The following ANK2 variants were observed in gnomAD, a reference collection of about 807,000 sequenced individuals.
ANK2 encodes ankyrin-2.
A neutral mutation model predicts 360.5 loss-of-function variants in ANK2; 83 were observed. The observed-to-expected ratio is 0.23, with a 90% confidence interval of 0.19 to 0.28. The LOEUF (loss-of-function observed/expected upper bound fraction) is 0.28. Ranked by LOEUF, ANK2 falls within the 10% of genes least tolerant of loss-of-function variation. The pLI, the probability that ANK2 is intolerant of heterozygous loss-of-function variation, is 1.00. For missense variants in ANK2, 4,201 were observed against 4,795.7 expected (o/e 0.88, Z 3.66); for synonymous variants, 1,740 against 1,759.5 (o/e 0.99, Z 0.28).
At chr4:112,720,637 G>A in the ANK2 span, among the ~76,000 whole-genome samples, 18 of 152,120 alleles carry the variant, frequency 1.2e-4, no homozygotes, top group Admixed American at 1.0e-3. Flanking sequence ...CATATTGCCT[G>A]AAATATAACA....
chr4:113,059,651 C>G (rs35564002), intron 1 of ANK2, among the ~76,000 whole-genome samples: 2 of 151,976 alleles, frequency 1.3e-5, no homozygotes, highest in Non-Finnish European at 2.9e-5. Flanking sequence ...TCCACACAGT[C>G]TATGATTCAT....
intron 22 of ANK2, among the ~76,000 whole-genome samples, chr4:113,301,570 C>T (rs1005980835): frequency 6.6e-6 from 1 of 152,062 alleles, no homozygotes; most frequent in African/African-American, 2.4e-5. Flanking sequence ...CAATAAATCT[C>T]TTGAATTTAT....
At chr4:112,854,626 A>G (rs2065879863) in intron 1 of ANK2, among the ~76,000 whole-genome samples, 1 of 152,192 alleles carries the variant, frequency 6.6e-6, no homozygotes, top group Admixed American at 6.5e-5. Context: ...AATGAGGAAG[A>G]GGTAGTATGC....
intron 4 of ANK2, among the ~76,000 whole-genome samples, chr4:113,216,838 A>T (rs148417312): frequency 0.025 from 3,743 of 152,154 alleles, 80 homozygotes; most frequent in Non-Finnish European, 0.038. Context: ...TAGCTTTTGT[A>T]CTTTGGGATC....
At position 113,356,570 on chromosome 4, in the gene ANK2, T is replaced by G; in HGVS notation, c.7952T>G (p.Val2651Gly). Residue 2651 changes from valine (V) to glycine (G), a missense_variant, in exon 38 of 46, where the codon GTG becomes GGG. Val to Gly is a moderately radical substitution (Grantham distance 109). Transcript: ENST00000357077. Reference sequence around the variant, plus strand: ...GGGGAGGATGAAAGTGGTGTCCCTGTGTTAGTAACTTCGGAGAGCAGGAAG... The same window carrying G: ...GGGGAGGATGAAAGTGGTGTCCCTGGGTTAGTAACTTCGGAGAGCAGGAAG... ...GSGEDESGVP[V>G]LVTSESRKVS... 6.2e-7 allele frequency: 1 copy of G among 1,614,116 alleles called. No homozygotes were observed. Among genetic ancestry groups the G allele is most frequent in the Non-Finnish European group, 8.5e-7 (1 of 1,179,990 alleles).
chr4:112,749,044 C>T, the ANK2 span, among the ~76,000 whole-genome samples: 34 of 152,292 alleles, frequency 2.2e-4, no homozygotes, highest in African/African-American at 7.0e-4. Context: ...GGATTACAGG[C>T]GTGTGCCACC....
chr4:112,817,305 A>G (rs2055744226), upstream of ANK2, among the ~76,000 whole-genome samples: 1 of 152,204 alleles, frequency 6.6e-6, no homozygotes, highest in African/African-American at 2.4e-5. Flanking sequence ...AAGTAGAATT[A>G]GAAGCTCTGT....
chr4:112,980,446 T>C (rs2042808919), intron 2 of ANK2: 1 of 151,584 alleles, frequency 6.6e-6, no homozygotes. Flanking sequence ...CCATGGAGTG[T>C]GCAATCCCGG....
the ANK2 span, among the ~76,000 whole-genome samples, chr4:112,730,704 C>CCA: frequency 1.1e-4 from 16 of 148,904 alleles, no homozygotes; most frequent in South Asian, 2.1e-4. Context: ...AGTGTTCTTA[C>CCA]CACACACACA....
At chr4:112,864,185 A>G in intron 1 of ANK2, among the ~76,000 whole-genome samples, 1 of 152,262 alleles carries the variant, frequency 6.6e-6, no homozygotes, top group East Asian at 1.9e-4. Flanking sequence ...TAATGCATGA[A>G]TAAAATTTAT....
intron 2 of ANK2, among the ~76,000 whole-genome samples, chr4:112,970,994 T>C (rs1343983539): frequency 6.6e-6 from 1 of 152,112 alleles, no homozygotes; most frequent in African/African-American, 2.4e-5. Context: ...AAAAATTAAT[T>C]TAAAATACAG....
At chr4:112,859,094 C>T (rs1006408315) in intron 1 of ANK2, among the ~76,000 whole-genome samples, 1 of 152,152 alleles carries the variant, frequency 6.6e-6, no homozygotes, top group Non-Finnish European at 1.5e-5. Context: ...AAACCTCGCT[C>T]GGAGGCAGAC....
chr4:113,354,108 C>T lies in ANK2; in HGVS notation c.5490C>T (p.His1830=), dbSNP rs773643713. The T allele has an allele frequency of 1.4e-5, 22 of 1,613,990 alleles. No homozygotes were observed. Among genetic ancestry groups the T allele is most frequent in the Non-Finnish European group, 1.7e-5 (20 of 1,179,984 alleles). ...PGSPSPKTER[H]STLSSSAKTE... is the part of the protein sequence containing the mutation. The stretch of plus-strand genomic sequence containing the variant: ...CTCCCTCCCCTAAAACAGAAAGACA[C>T]TCTACTCTTTCCTCTTCCGCAAAAA... The change falls in exon 38 of 46, where the codon CAC becomes CAT. Residue 1830 remains histidine (H), a synonymous_variant. Transcript: ENST00000357077.
intron 26 of ANK2, among the ~76,000 whole-genome samples, chr4:113,320,938 A>G (rs1012602936): frequency 2.6e-5 from 4 of 152,216 alleles, no homozygotes; most frequent in African/African-American, 9.7e-5. Flanking sequence ...ACATTGTGCC[A>G]GGTACTAAGA....
At chr4:113,067,451 T>A (rs1166643705) in intron 1 of ANK2, among the ~76,000 whole-genome samples, 1 of 152,066 alleles carries the variant, frequency 6.6e-6, no homozygotes. Context: ...AGATACTGGG[T>A]CCAGATTTTC....
the ANK2 span, among the ~76,000 whole-genome samples, chr4:112,755,381 C>T: frequency 6.6e-6 from 1 of 152,204 alleles, no homozygotes. Context: ...ACCAAACAGG[C>T]TTTGTGTGAG....
chr4:113,321,366 G>T (rs959032675), intron 26 of ANK2, among the ~76,000 whole-genome samples: 5 of 152,168 alleles, frequency 3.3e-5, no homozygotes, highest in African/African-American at 9.7e-5. Context: ...CCTCTAAATG[G>T]CAGCGTCAAT....
intron 2 of ANK2, among the ~76,000 whole-genome samples, chr4:112,921,052 CTT>C (rs1197480851): frequency 2.5e-4 from 34 of 135,066 alleles, no homozygotes; most frequent in Non-Finnish European, 2.9e-4. Flanking sequence ...TTCTTTTTCT[CTT>C]TTTTTTTTTT....
At chr4:112,914,893 A>G (rs1300496111) in intron 2 of ANK2, among the ~76,000 whole-genome samples, 1 of 152,194 alleles carries the variant, frequency 6.6e-6, no homozygotes, top group Admixed American at 6.5e-5. Flanking sequence ...TGTTGGGGAT[A>G]CCTGAAGGAA....
Sources: allele counts gnomAD v4.1 joint callset (sites outside exome capture counted in the v4.1 genomes callset), GRCh38; gene constraint gnomAD v4.1.1; transcripts MANE v1.5; gene names NCBI Gene and HGNC (gene_info 2026-07-23, HGNC 2026-07-21).